FARS2: variants seen among roughly 807,000 people sequenced by gnomAD.
FARS2 encodes the protein phenylalanyl-tRNA synthetase 2, mitochondrial, also known as phenylalanine--tRNA ligase, mitochondrial.
Under a neutral mutation model 46.4 loss-of-function variants are expected in FARS2, and 40 were observed. That is an observed-to-expected ratio of 0.86 (90% CI 0.67 to 1.12). The LOEUF is 1.12. Among genes scored for constraint, FARS2 ranks in the 50% most tolerant of loss-of-function variants. The pLI is 0.00. For missense variants in FARS2, 513 were observed against 567.9 expected (o/e 0.90, Z 0.98); for synonymous variants, 234 against 214.9 (o/e 1.09, Z -0.78).
At chr6:5,736,779 A>G (rs1760981708) in intron 6 of FARS2, among the ~76,000 whole-genome samples, 1 of 151,560 alleles carries the variant, frequency 6.6e-6, no homozygotes, top group Non-Finnish European at 1.5e-5. Flanking sequence ...TTTAAACCAC[A>G]TAGGTGCTAG....
intron 5 of FARS2, among the ~76,000 whole-genome samples, chr6:5,586,272 A>G (rs748545023): frequency 1.3e-3 from 199 of 152,172 alleles, no homozygotes; most frequent in Non-Finnish European, 2.5e-3. Context: ...TGGCAAGAGT[A>G]GGCATCTGTA....
At chr6:5,329,787 G>A (rs1003356293) in intron 1 of FARS2, among the ~76,000 whole-genome samples, 14 of 152,214 alleles carry the variant, frequency 9.2e-5, no homozygotes, top group African/African-American at 3.1e-4. Context: ...TGGGTGTGAT[G>A]CCTCCATGCT....
chr6:5,272,953 A>G (rs1469404247), intron 1 of FARS2, among the ~76,000 whole-genome samples: 1 of 152,216 alleles, frequency 6.6e-6, no homozygotes, highest in Non-Finnish European at 1.5e-5. Context: ...CATAATGTCC[A>G]GTTCCATTCA....
At position 5,362,966 on chromosome 6, in the gene FARS2, G is replaced by A. The variant is rs868230949; in HGVS notation, c.-21-5584G>A. Among the ~76,000 whole-genome samples the A allele has an allele frequency of 3.2e-5, 4 of 124,300 alleles. 1 individual carries two copies. The highest frequency in any genetic ancestry group is 0.015 in the Middle Eastern group (2 of 132). The allele number at this position is 124,300 out of a possible 152,430, so 81.5% of individuals were successfully genotyped here. A position where few individuals can be genotyped will look rare whatever the true frequency, so the allele number is the denominator to read the frequency against. On this transcript the variant is annotated intron_variant, in intron 1 of 6. Transcript: ENST00000274680. Reference sequence around the variant, plus strand: ...TTTTGACATGGAGTCTCACTCTGTCGCCCAGGCTGGAGTGCAGTGGCGCGA... The same window carrying A: ...TTTTGACATGGAGTCTCACTCTGTCACCCAGGCTGGAGTGCAGTGGCGCGA...
At chr6:5,624,128 C>G (rs1157821042) in intron 6 of FARS2, among the ~76,000 whole-genome samples, 1 of 150,182 alleles carries the variant, frequency 6.7e-6, no homozygotes, top group Non-Finnish European at 1.5e-5. Context: ...GGTATAAGAA[C>G]TTTTGTTGTG....
At position 5,613,284 on chromosome 6, in the gene FARS2, A is replaced by C; in HGVS notation, c.1181A>C (p.Glu394Ala). The change falls in exon 6 of 7, where the codon GAA becomes GCA. Residue 394 changes from glutamate to alanine, a missense_variant. By Grantham distance (107) the Glu-to-Ala change is moderately radical (BLOSUM62 -1). Transcript: ENST00000274680. Reference sequence around the variant, plus strand: ...CGAACAATTGGAGGAGACCTGGTGGAAAAGGTTGATCTCATAGACAAGTTT... The same window carrying C: ...CGAACAATTGGAGGAGACCTGGTGGCAAAGGTTGATCTCATAGACAAGTTT... The part of the protein sequence containing the change: ...LVRTIGGDLV[E>A]KVDLIDKFVH... 1 of 1,613,074 alleles carries C rather than the reference A, an allele frequency of 6.2e-7. No individual in the cohort carries two copies. Among genetic ancestry groups the C allele is most frequent in the South Asian group, 1.1e-5 (1 of 90,982 alleles).
intron 6 of FARS2, among the ~76,000 whole-genome samples, chr6:5,681,845 T>A (rs1464198498): frequency 1.3e-5 from 2 of 152,248 alleles, no homozygotes; most frequent in African/African-American, 4.8e-5. Context: ...GGCTGGTGGC[T>A]ACATTTGTTT....
chr6:5,278,218 G>T (rs1051331190), intron 1 of FARS2, among the ~76,000 whole-genome samples: 1 of 152,122 alleles, frequency 6.6e-6, no homozygotes, highest in Non-Finnish European at 1.5e-5. Flanking sequence ...ACTTTCTTCA[G>T]TCTAAAGCAG....
At chr6:5,579,057 C>G (rs9328317) in intron 5 of FARS2, among the ~76,000 whole-genome samples, 86,031 of 152,100 alleles carry the variant, frequency 0.57, 24,539 homozygotes, top group African/African-American at 0.62. Context: ...AAACATTGCC[C>G]TAACTATTAT....
chr6:5,653,599 C>T (rs1194533599), intron 6 of FARS2, among the ~76,000 whole-genome samples: 1 of 152,216 alleles, frequency 6.6e-6, no homozygotes, highest in African/African-American at 2.4e-5. Context: ...AAGCAGGCCC[C>T]TCCTGGGGGA....
At chr6:5,645,946 A>G (rs1416658163) in intron 6 of FARS2, among the ~76,000 whole-genome samples, 1 of 152,094 alleles carries the variant, frequency 6.6e-6, no homozygotes, top group African/African-American at 2.4e-5. Context: ...GCATTTTTAC[A>G]TGTTTTTTAC....
intron 6 of FARS2, among the ~76,000 whole-genome samples, chr6:5,745,437 C>G (rs1761582164): frequency 6.6e-6 from 1 of 152,230 alleles, no homozygotes; most frequent in Non-Finnish European, 1.5e-5. Context: ...TTGTGTATAT[C>G]TCTTGTAATT....
chr6:5,510,953 C>A (rs539404393), intron 4 of FARS2, among the ~76,000 whole-genome samples: 4 of 152,308 alleles, frequency 2.6e-5, no homozygotes, highest in African/African-American at 9.6e-5. Context: ...GAGATCTCCT[C>A]CTCTCCCTCC....
intron 6 of FARS2, among the ~76,000 whole-genome samples, chr6:5,623,711 CA>C (rs200176209): frequency 1.6e-5 from 2 of 122,678 alleles, no homozygotes; most frequent in Non-Finnish European, 3.2e-5. Context: ...GACTGTGTCT[CA>C]AAAAAAATAA....
At chr6:5,762,968 C>A (rs964296999) in intron 6 of FARS2, among the ~76,000 whole-genome samples, 1 of 152,160 alleles carries the variant, frequency 6.6e-6, no homozygotes, top group Non-Finnish European at 1.5e-5. Context: ...AGGAGGAGAA[C>A]CTCCTCTCCT....
chr6:5,560,231 TA>T (rs1771910477), intron 5 of FARS2, among the ~76,000 whole-genome samples: 2 of 152,178 alleles, frequency 1.3e-5, no homozygotes, highest in African/African-American at 4.8e-5. Flanking sequence ...TTTATCAAAT[TA>T]GGGGTGTTTC....
At chr6:5,736,688 G>A (rs1490044467) in intron 6 of FARS2, among the ~76,000 whole-genome samples, 1 of 150,908 alleles carries the variant, frequency 6.6e-6, no homozygotes, top group Non-Finnish European at 1.5e-5. Context: ...TTAAAAAATT[G>A]CATGTACCCC....
At chr6:5,643,093 A>G (rs1442440043) in intron 6 of FARS2, among the ~76,000 whole-genome samples, 2 of 152,244 alleles carry the variant, frequency 1.3e-5, no homozygotes, top group African/African-American at 4.8e-5. Flanking sequence ...TTTTAAAGAA[A>G]TATTTACTTA....
At chr6:5,426,872 C>T (rs1031818651) in intron 3 of FARS2, among the ~76,000 whole-genome samples, 9 of 152,146 alleles carry the variant, frequency 5.9e-5, no homozygotes, top group East Asian at 1.9e-4. Flanking sequence ...CTAATCTGTC[C>T]GCCTCAGCCT....
Sources: allele counts gnomAD v4.1 joint callset (sites outside exome capture counted in the v4.1 genomes callset), GRCh38; gene constraint gnomAD v4.1.1; transcripts MANE v1.5; gene names NCBI Gene and HGNC (gene_info 2026-07-23, HGNC 2026-07-21).